The following ADCY10 variants were observed in gnomAD, a reference collection of about 807,000 sequenced individuals.
ADCY10 encodes the protein adenylate cyclase 10, also known as adenylate cyclase type 10.
ADCY10 carries 156 observed loss-of-function variants against 183.3 expected under a neutral mutation model. The ratio of observed to expected loss-of-function variants is 0.85; its 90% CI spans 0.75 to 0.97. The LOEUF is 0.97. ADCY10 is among the 50% of genes least tolerant of loss of function. The pLI, the probability that ADCY10 is intolerant of heterozygous loss-of-function variation, is 0.00. For synonymous variants in ADCY10, 645 were observed against 670.0 expected (o/e 0.96, Z 0.58); for missense variants, 1,745 against 1,934.3 (o/e 0.90, Z 1.84).
rs16859798 is a variant in ADCY10, at chr1:167,845,367, T to C, written c.3007+196A>G. ...TCCCTGACAGTTATAGTGAGATTGG[T>C]TCGCTAGACTCAATACAGGTACATT... On this transcript the variant is annotated intron_variant, in intron 21 of 32. Coordinates refer to ENST00000367851, the MANE Select transcript of ADCY10 (RefSeq NM_018417.6). 84,235 of 616,482 alleles carry C rather than the reference T, an allele frequency of 0.14. 7,710 individuals are homozygous for C. The highest frequency in any genetic ancestry group is 0.36 in the African/African-American group (19,725 of 54,060). The allele number at this position is 616,482 out of a possible 1,614,324, so 38.2% of individuals were successfully genotyped here.
chr1:167,823,596 G>A lies in ADCY10; in HGVS notation c.4053-473C>T, dbSNP rs7528600. 7.4e-3 allele frequency among the ~76,000 whole-genome samples: 1,120 copies of A among 152,074 alleles called. 8 individuals are homozygous for A. Among genetic ancestry groups the A allele is most frequent in the Non-Finnish European group, 0.013 (858 of 67,990 alleles). On this transcript the variant is annotated intron_variant, in intron 28 of 32. Coordinates refer to ENST00000367851, the MANE Select transcript of ADCY10 (RefSeq NM_018417.6). ...CTCTATAAAATTCATCTATGTGACC[G>A]AAAACCATTTATACCCCCAAAGCTA...
At chr1:167,903,433 G>A (rs376187488) in intron 3 of ADCY10, among the ~76,000 whole-genome samples, 11 of 151,762 alleles carry the variant, frequency 7.2e-5, no homozygotes, top group African/African-American at 1.9e-4. Flanking sequence ...GTGTGGGGGC[G>A]GGCGCCTGTA....
chr1:167,894,099 G>A (rs570869802), intron 7 of ADCY10, among the ~76,000 whole-genome samples, 158 bp from the exon 8 acceptor site: 2 of 152,278 alleles, frequency 1.3e-5, no homozygotes, highest in African/African-American at 4.8e-5. Context: ...GAAAGGGCCA[G>A]GGGAAATCCA....
chr1:167,893,960 G>T lies in ADCY10; in HGVS notation c.740-19C>A. ...AGGAGGTCTAAGAAGGCAGAAGGAG[G>T]GTGCAGGCTCAGAGAGGGAAGTTTG... On this transcript the variant is annotated intron_variant, in intron 7 of 32. Coordinates refer to ENST00000367851, the MANE Select transcript of ADCY10 (RefSeq NM_018417.6). 1 of 1,597,170 alleles carries T rather than the reference G, an allele frequency of 6.3e-7. No homozygotes were observed. The highest frequency in any genetic ancestry group is 8.6e-7 in the Non-Finnish European group (1 of 1,165,158).
chr1:167,812,516 C>G lies in ADCY10; in HGVS notation c.4483-1603G>C, dbSNP rs1662283268. On this transcript the variant is annotated intron_variant, in intron 31 of 32. Coordinates refer to ENST00000367851, the MANE Select transcript of ADCY10 (RefSeq NM_018417.6). ...AAAAAACAAAAACAACAACAAAACCCAGAAAACCCTGGGGAAGAGGGAGAA... is the reference window on the plus strand; with the variant it reads ...AAAAAACAAAAACAACAACAAAACCGAGAAAACCCTGGGGAAGAGGGAGAA... Among the ~76,000 whole-genome samples, 9 of 152,256 alleles carry G rather than the reference C, an allele frequency of 5.9e-5. No individual in the cohort carries two copies. In the South Asian group the frequency reaches 1.9e-3, roughly 32 times the overall value.
rs1410960177 is a variant in ADCY10, at chr1:167,861,070, G to A, written c.1617-7C>T. On this transcript the variant is annotated splice_region_variant and splice_polypyrimidine_tract_variant and intron_variant, in intron 14 of 32. Transcript: ENST00000367851. The stretch of plus-strand genomic sequence containing the variant: ...CAATGAAATGGCAATAATCCTGTTT[G>A]TGAGAAAATCAAGAAACAGAAGAGA... The A allele has an allele frequency of 1.2e-6, 2 of 1,611,990 alleles. No individual in the cohort carries two copies. Among genetic ancestry groups the A allele is most frequent in the Non-Finnish European group, 1.7e-6 (2 of 1,178,250 alleles).
Position 167,837,312 on chromosome 1 carries a change from T to C in ADCY10, c.3014A>G (p.Glu1005Gly), listed in dbSNP as rs369702123. The change falls in exon 22 of 33, where the codon GAA (glutamate) becomes GGA (glycine). Residue 1005 changes from glutamate to glycine, a missense_variant. Glu to Gly is a moderately conservative substitution (Grantham distance 98). Coordinates refer to ENST00000367851, the MANE Select transcript of ADCY10 (RefSeq NM_018417.6). ...CTCTGAGTTGGACAAGATAAGCTTT[T>C]CTTCAGCTAGAAAATAAACAAATGA... ...MAMSHGFKTE[E>G]KLILSNSEIP... 1 of 1,613,758 alleles carries C rather than the reference T, an allele frequency of 6.2e-7. No individual in the cohort carries two copies. The highest frequency in any genetic ancestry group is 1.3e-5 in the African/African-American group (1 of 74,938).
intron 25 of ADCY10, 64 bp from the exon 26 acceptor site, chr1:167,829,487 G>C: frequency 6.3e-7 from 1 of 1,594,162 alleles, no homozygotes; most frequent in Non-Finnish European, 8.6e-7. Flanking sequence ...ATTTAGGGGA[G>C]CACAGGTACA....
Position 167,883,576 on chromosome 1 carries a change from A to G in ADCY10, c.881T>C (p.Ile294Thr). The G allele has an allele frequency of 2.5e-6, 4 of 1,614,230 alleles. No individual in the cohort carries two copies. The highest frequency in any genetic ancestry group is 2.5e-6 in the Non-Finnish European group (3 of 1,180,046). Reference sequence around the variant, plus strand: ...TTCAAACATCAGGTTCACAAACACAATCGTCACTGGGCGAAGCTCAGATAA... The same window carrying G: ...TTCAAACATCAGGTTCACAAACACAGTCGTCACTGGGCGAAGCTCAGATAA... ...GYLSELRPVT[I>T]VFVNLMFEDQ... Residue 294 changes from isoleucine to threonine, a missense_variant, in exon 9 of 33, where the codon ATT becomes ACT. Coordinates refer to ENST00000367851, the MANE Select transcript of ADCY10 (RefSeq NM_018417.6).
intron 1 of ADCY10, among the ~76,000 whole-genome samples, chr1:167,906,584 G>A (rs1047457371): frequency 9.4e-5 from 14 of 148,448 alleles, no homozygotes; most frequent in African/African-American, 2.7e-4. Flanking sequence ...GCCCGAGTTC[G>A]AGACCAGCTT....
rs368816631 is a variant in ADCY10, at chr1:167,859,830, A to G, written c.1873T>C (p.Leu625=). 1.2e-6 allele frequency: 2 copies of G among 1,613,682 alleles called. No individual in the cohort carries two copies. The highest frequency in any genetic ancestry group is 1.1e-5 in the South Asian group (1 of 91,066). ...TLKKQKQLEI[L]FMKILKLIVK... ...ACCAGCTTCAAGATCTTCATAAACA[A>G]TATTTCCAATTGTTTTTGCTTTTTC... The change falls in exon 16 of 33, where the codon TTG becomes CTG. Residue 625 remains leucine (L), a synonymous_variant. Coordinates refer to ENST00000367851, the MANE Select transcript of ADCY10 (RefSeq NM_018417.6).
chr1:167,878,692 G>A (rs1468961119), intron 11 of ADCY10, 57 bp from the exon 12 acceptor site: 8 of 1,538,964 alleles, frequency 5.2e-6, no homozygotes, highest in Non-Finnish European at 7.2e-6. Context: ...TGAACTGAAT[G>A]TAATCTGAAA....
chr1:167,818,079 A>G lies in ADCY10; in HGVS notation c.4475T>C (p.Leu1492Pro), dbSNP rs1173632297. ...CTGGAGAATAGGCCTCACCTTGAGTAGCTCCTCCCCACTGGCTTGGGCATT... is the reference window on the plus strand; with the variant it reads ...CTGGAGAATAGGCCTCACCTTGAGTGGCTCCTCCCCACTGGCTTGGGCATT... ...SENAQASGEE[L>P]LKNLENLVAQ... The change falls in exon 31 of 33, where the codon CTA (leucine) becomes CCA (proline). Residue 1492 changes from leucine to proline, a missense_variant. Physicochemically the swap from Leu to Pro is moderately conservative, Grantham distance 98. Coordinates refer to ENST00000367851, the MANE Select transcript of ADCY10 (RefSeq NM_018417.6). 6.2e-7 allele frequency: 1 copy of G among 1,614,204 alleles called. No individual in the cohort carries two copies. Among genetic ancestry groups the G allele is most frequent in the South Asian group, 1.1e-5 (1 of 91,078 alleles).
chr1:167,861,189 C>A (rs1666257012), intron 14 of ADCY10, 126 bp from the exon 15 acceptor site: 2 of 817,970 alleles, frequency 2.4e-6, no homozygotes, highest in Admixed American at 2.1e-5. Context: ...TCCAAGCTAT[C>A]TCGCAATGGT....
intron 14 of ADCY10, among the ~76,000 whole-genome samples, chr1:167,863,509 T>C (rs867761664): frequency 6.6e-5 from 10 of 152,116 alleles, no homozygotes; most frequent in Admixed American, 3.3e-4. Flanking sequence ...TCCCAGCTGA[T>C]TAAAGCCACT....
rs77961612 is a variant in ADCY10 at position 167,901,796 on chromosome 1, A to C, written c.302T>G (p.Leu101Arg). ...TCGCTCCACCCTCCACAGGGCTAGC[A>C]GTGCATCACCTTCAGAGAGAGACAT... is the stretch of plus-strand genomic sequence containing the variant. The part of the protein sequence containing the change: ...GDILKFAGDA[L>R]LALWRVERKQ... The change falls in exon 5 of 33, where the codon CTG becomes CGG. Residue 101 changes from leucine (L) to arginine (R), a missense_variant. Leu to Arg is a moderately radical substitution (Grantham distance 102). Coordinates refer to ENST00000367851, the MANE Select transcript of ADCY10 (RefSeq NM_018417.6). 1 of 1,614,232 alleles carries C rather than the reference A, an allele frequency of 6.2e-7. No individual in the cohort carries two copies. The highest frequency in any genetic ancestry group is 1.1e-5 in the South Asian group (1 of 91,090).
intron 31 of ADCY10, among the ~76,000 whole-genome samples, chr1:167,815,246 GA>G (rs1174569200): frequency 3.3e-5 from 5 of 152,034 alleles, no homozygotes; most frequent in African/African-American, 7.2e-5. Flanking sequence ...AATATTGGAG[GA>G]AAAAAAATCT....
chr1:167,810,700 C>A (rs3830184), intron 32 of ADCY10, 25 bp downstream of exon 32: 1 of 1,613,292 alleles, frequency 6.2e-7, no homozygotes. Flanking sequence ...ATCGCCACCC[C>A]GGTTTGCTAG....
chr1:167,826,510 T>C lies in ADCY10; in HGVS notation c.3751-1655A>G, dbSNP rs528450022. 1.3e-3 allele frequency among the ~76,000 whole-genome samples: 200 copies of C among 152,314 alleles called. 1 individual carries two copies. Among genetic ancestry groups the C allele is most frequent in the African/African-American group, 4.6e-3 (190 of 41,572 alleles). The stretch of plus-strand genomic sequence containing the variant: ...TCTTTGCTTTCAATCCCAGCCACCT[T>C]GATGACAAATGTCTTGGTTCACATT... On this transcript the variant is annotated intron_variant, in intron 26 of 32. Transcript: ENST00000367851.
Sources: allele counts gnomAD v4.1 joint callset (sites outside exome capture counted in the v4.1 genomes callset), GRCh38; gene constraint gnomAD v4.1.1; transcripts MANE v1.5; gene names NCBI Gene and HGNC (gene_info 2026-07-23, HGNC 2026-07-21).